The following TBC1D32 variants were observed in gnomAD, a reference collection of about 807,000 sequenced individuals.
TBC1D32 encodes protein broad-minded.
TBC1D32 carries 151 observed loss-of-function variants against 170.3 expected under a neutral mutation model. That is an observed-to-expected ratio of 0.89 (90% CI 0.78 to 1.01). TBC1D32 has a LOEUF of 1.01. TBC1D32 is among the 50% of genes least tolerant of loss of function. The pLI is 0.00. For missense variants in TBC1D32, 1,464 were observed against 1,457.1 expected, an observed-to-expected ratio of 1.00 and a Z score of -0.08; for synonymous variants, 498 against 488.0, an observed-to-expected ratio of 1.02 and a Z score of -0.27.
At chr6:121,089,463 C>T (rs1036222282) in intron 31 of TBC1D32, among the ~76,000 whole-genome samples, 4 of 152,152 alleles carry the variant, frequency 2.6e-5, no homozygotes, top group Admixed American at 6.5e-5. Flanking sequence ...ATGAAAACGT[C>T]CCTTACTGAA....
intron 1 of TBC1D32, among the ~76,000 whole-genome samples, chr6:121,331,161 G>A (rs1811159308): frequency 6.6e-6 from 1 of 152,082 alleles, no homozygotes; most frequent in Non-Finnish European, 1.5e-5. Flanking sequence ...AATGTTAACA[G>A]CCCAGCAACA....
chr6:121,281,645 T>C lies in TBC1D32; in HGVS notation c.1507A>G (p.Ile503Val). Residue 503 changes from isoleucine (I) to valine (V), a missense_variant, in exon 14 of 32, where the codon ATA (isoleucine) becomes GTA (valine). Ile to Val is a conservative substitution (Grantham distance 29). Coordinates refer to ENST00000398212, the MANE Select transcript of TBC1D32 (RefSeq NM_152730.6). ...PASMVTEVLWILSDQKECAVE... is the reference protein window; with the variant it reads ...PASMVTEVLWVLSDQKECAVE... ...GCACATTCTTTTTGATCACTGAGTA[T>C]CCACAGAACTTCAGTCACCATACTT... 6.2e-7 allele frequency: 1 copy of C among 1,603,606 alleles called. No homozygotes were observed. Among genetic ancestry groups the C allele is most frequent in the Non-Finnish European group, 8.5e-7 (1 of 1,174,250 alleles).
intron 1 of TBC1D32, among the ~76,000 whole-genome samples, chr6:121,327,350 G>T (rs935650172): frequency 2.0e-5 from 3 of 152,126 alleles, no homozygotes; most frequent in Non-Finnish European, 4.4e-5. Context: ...TTCCTACATT[G>T]TAATCCTGAT....
At position 121,080,215 on chromosome 6, in the gene TBC1D32, C is replaced by CT. The variant is rs370155731; in HGVS notation, c.*555dup. ...TGAATAAAGGAGATGTAAGTTGGGA[C>CT]TTTTTTTTTTTTTTTTTTTTTGAGA... On this transcript the variant is annotated 3_prime_UTR_variant, in exon 32 of 32. Transcript: ENST00000398212. 0.16 allele frequency: 18,685 copies of CT among 116,058 alleles called. 2,592 individuals carry two copies. The highest frequency in any genetic ancestry group is 0.32 in the African/African-American group (9,408 of 29,006). 7.2% of individuals were successfully genotyped at this position (116,058 alleles called of 1,614,324 possible).
chr6:121,212,061 A>C (rs1793141602), intron 21 of TBC1D32, among the ~76,000 whole-genome samples: 1 of 152,050 alleles, frequency 6.6e-6, no homozygotes, highest in Non-Finnish European at 1.5e-5. Flanking sequence ...ACCTAACAGA[A>C]ATACAAATAA....
At chr6:121,252,076 G>C (rs756106941) in intron 17 of TBC1D32, among the ~76,000 whole-genome samples, 23 of 152,174 alleles carry the variant, frequency 1.5e-4, no homozygotes, top group Non-Finnish European at 3.2e-4. Flanking sequence ...GGAAAAAACA[G>C]GTGCTAGAGA....
intron 15 of TBC1D32, among the ~76,000 whole-genome samples, chr6:121,267,078 T>TAA (rs60556893): frequency 1.1e-5 from 1 of 87,398 alleles, no homozygotes. Context: ...AAAGTAAAAT[T>TAA]AAAAAAAAAA....
Position 121,294,553 on chromosome 6 carries a change from G to A in TBC1D32, c.1231+17C>T. The A allele has an allele frequency of 6.4e-7, 1 of 1,563,636 alleles. No individual in the cohort carries two copies. Among genetic ancestry groups the A allele is most frequent in the Non-Finnish European group, 8.7e-7 (1 of 1,145,498 alleles). ...TTACCATTTTTAAAAGTATGTAATAGAGGAAATAATACTTACTGCAATGCT... is the reference window on the plus strand; with the variant it reads ...TTACCATTTTTAAAAGTATGTAATAAAGGAAATAATACTTACTGCAATGCT... On this transcript the variant is annotated intron_variant, in intron 11 of 31. Coordinates refer to ENST00000398212, the MANE Select transcript of TBC1D32 (RefSeq NM_152730.6).
intron 22 of TBC1D32, among the ~76,000 whole-genome samples, chr6:121,204,005 A>G (rs1293655329): frequency 6.6e-6 from 1 of 150,956 alleles, no homozygotes; most frequent in Non-Finnish European, 1.5e-5. Context: ...AAAAAAAAAA[A>G]GAAATTTGCT....
At chr6:121,152,788 G>A (rs1219093275) in intron 24 of TBC1D32, among the ~76,000 whole-genome samples, 2 of 151,954 alleles carry the variant, frequency 1.3e-5, no homozygotes, top group Non-Finnish European at 2.9e-5. Context: ...CCGCTTGATT[G>A]ATTTGGCTAC....
intron 15 of TBC1D32, among the ~76,000 whole-genome samples, chr6:121,276,517 C>CA (rs150220381): frequency 0.033 from 4,981 of 151,486 alleles, 191 homozygotes; most frequent in East Asian, 0.12. Context: ...GAGTAGAACA[C>CA]AAAAAAAGGG....
At chr6:121,117,761 C>T (rs756212204) in intron 26 of TBC1D32, among the ~76,000 whole-genome samples, 32 of 151,990 alleles carry the variant, frequency 2.1e-4, no homozygotes, top group Non-Finnish European at 3.2e-4. Context: ...ATTTGATATA[C>T]AGTATCAATA....
chr6:121,084,277 G>A lies in TBC1D32; in HGVS notation c.3655-3387C>T, dbSNP rs113573720. On this transcript the variant is annotated intron_variant, in intron 31 of 31. Coordinates refer to ENST00000398212, the MANE Select transcript of TBC1D32 (RefSeq NM_152730.6). ...AATGTGGGCAGAGTAGTTGGTTCACGGTTGTTCCACAATAAATAGGTTAAT... is the reference window on the plus strand; with the variant it reads ...AATGTGGGCAGAGTAGTTGGTTCACAGTTGTTCCACAATAAATAGGTTAAT... Among the ~76,000 whole-genome samples the A allele has an allele frequency of 8.6e-3, 1,312 of 152,204 alleles. 9 individuals are homozygous for A. Among genetic ancestry groups the A allele is most frequent in the South Asian group, 0.04 (194 of 4,828 alleles).
intron 21 of TBC1D32, among the ~76,000 whole-genome samples, chr6:121,220,622 A>G (rs1166673392): frequency 6.6e-6 from 1 of 151,022 alleles, no homozygotes; most frequent in Non-Finnish European, 1.5e-5. Context: ...TAGCTACATT[A>G]AAGAGATTTT....
intron 24 of TBC1D32, among the ~76,000 whole-genome samples, chr6:121,147,543 G>A (rs936408971): frequency 5.3e-5 from 8 of 151,750 alleles, no homozygotes; most frequent in Admixed American, 4.6e-4. Flanking sequence ...TGTTGATTTG[G>A]TTGCATTTAT....
rs1775530828 is a variant in TBC1D32, at chr6:121,080,429, T to C, written c.*342A>G. The C allele has an allele frequency of 3.9e-6, 1 of 258,576 alleles. No homozygotes were observed. Among genetic ancestry groups the C allele is most frequent in the Non-Finnish European group, 8.1e-6 (1 of 123,688 alleles). 16.0% of individuals were successfully genotyped at this position (258,576 alleles called of 1,614,324 possible). Reference sequence around the variant, plus strand: ...CGAGGTTTCACCATTTTGGCCAGGATGGTCTCGATCTCTTGACCTCGTGAT... The same window carrying C: ...CGAGGTTTCACCATTTTGGCCAGGACGGTCTCGATCTCTTGACCTCGTGAT... On this transcript the variant is annotated 3_prime_UTR_variant, in exon 32 of 32. Transcript: ENST00000398212.
At chr6:121,245,320 G>C (rs1041527054) in intron 17 of TBC1D32, among the ~76,000 whole-genome samples, 3 of 152,174 alleles carry the variant, frequency 2.0e-5, no homozygotes, top group African/African-American at 7.2e-5. Flanking sequence ...CTGGAGCCTG[G>C]CAGCCCTACT....
chr6:121,123,838 T>C (rs1780541210), intron 26 of TBC1D32, among the ~76,000 whole-genome samples: 1 of 151,970 alleles, frequency 6.6e-6, no homozygotes, highest in Admixed American at 6.6e-5. Context: ...TATTTTTTTC[T>C]GCTAGTATTT....
rs140272825 is a variant in TBC1D32 at position 121,099,252 on chromosome 6, T to C, written c.3465+6771A>G. On this transcript the variant is annotated intron_variant, in intron 30 of 31. Transcript: ENST00000398212. ...ATCATTAAAGATACATGGTACTTCT[T>C]AAGCCAGGAAAATGAACAAAATACA... 2.1e-3 allele frequency among the ~76,000 whole-genome samples: 313 copies of C among 152,068 alleles called. 1 individual carries two copies. The highest frequency in any genetic ancestry group is 7.2e-3 in the African/African-American group (301 of 41,540).
Sources: gnomAD v4.1 joint callset for allele counts (sites outside exome capture counted in the v4.1 genomes callset) on GRCh38, gnomAD v4.1.1 for gene constraint, MANE v1.5 for transcripts, NCBI Gene and HGNC (gene_info 2026-07-23, HGNC 2026-07-21) for gene names.